The following NAT2 variants were observed in gnomAD, a reference collection of about 807,000 sequenced individuals.
The protein encoded by NAT2 is N-acetyltransferase 2.
For synonymous variants in NAT2, 137 were observed against 125.9 expected, an observed-to-expected ratio of 1.09 and a Z score of -0.59; for missense variants, 428 against 339.1, an observed-to-expected ratio of 1.26 and a Z score of -2.06.
intron 1 of NAT2, among the ~76,000 whole-genome samples, chr8:18,397,172 T>C (rs945481218): frequency 2.0e-5 from 3 of 152,124 alleles, no homozygotes; most frequent in African/African-American, 7.2e-5. Flanking sequence ...AAAATTCCAC[T>C]TAATATATAA....
At chr8:18,390,365 G>A (rs990022974), upstream of NAT2, among the ~76,000 whole-genome samples, 4 of 152,140 alleles carry the variant, frequency 2.6e-5, no homozygotes, top group African/African-American at 9.7e-5. Flanking sequence ...AGAAAGTTAA[G>A]AGTTGTTACT....
rs1026317241 is a variant in NAT2, at chr8:18,396,219, T to A, written c.-6-3779T>A. Among the ~76,000 whole-genome samples, 4 of 152,098 alleles carry A rather than the reference T, an allele frequency of 2.6e-5. No homozygotes were observed. In the East Asian group the frequency reaches 7.7e-4, roughly 29 times the overall value. On this transcript the variant is annotated intron_variant, in intron 1 of 1. Transcript: ENST00000286479. Reference sequence around the variant, plus strand: ...TAGTATTCTAATAAAACCCTGATATTTTGACATAAGGGCCTAGATTCTGGC... The same window carrying A: ...TAGTATTCTAATAAAACCCTGATATATTGACATAAGGGCCTAGATTCTGGC...
Position 18,400,368 on chromosome 8 carries a change from A to C in NAT2, c.365A>C (p.Asp122Ala). The change falls in exon 2 of 2, where the codon GAT (aspartate) becomes GCT (alanine). Residue 122 changes from aspartate to alanine, a missense_variant. Physicochemically the swap from Asp to Ala is moderately radical, Grantham distance 126. Coordinates refer to ENST00000286479, the MANE Select transcript of NAT2 (RefSeq NM_000015.3). ...ATTGACGGCAGGAATTACATTGTCG[A>C]TGCTGGGTCTGGAAGCTCCTCCCAG... ...VTIDGRNYIV[D>A]AGSGSSSQMW... The C allele has an allele frequency of 6.2e-7, 1 of 1,612,764 alleles. No individual in the cohort carries two copies. The highest frequency in any genetic ancestry group is 8.5e-7 in the Non-Finnish European group (1 of 1,179,452).
rs1585139493 is a variant in NAT2, at chr8:18,400,933, T to C, written c.*57T>C. Reference sequence around the variant, plus strand: ...ATCACCCAACTCACTAATTATCAACTTATGTGCTATCAGATATCCTCTCTA... The same window carrying C: ...ATCACCCAACTCACTAATTATCAACCTATGTGCTATCAGATATCCTCTCTA... On this transcript the variant is annotated 3_prime_UTR_variant, in exon 2 of 2. Coordinates refer to ENST00000286479, the MANE Select transcript of NAT2 (RefSeq NM_000015.3). 1 of 1,339,342 alleles carries C rather than the reference T, an allele frequency of 7.5e-7. No individual in the cohort carries two copies. The highest frequency in any genetic ancestry group is 2.3e-5 in the East Asian group (1 of 42,700). The allele number at this position is 1,339,342 out of a possible 1,614,324, so 83.0% of individuals were successfully genotyped here.
At chr8:18,396,882 G>C (rs1288801267) in intron 1 of NAT2, among the ~76,000 whole-genome samples, 1 of 152,202 alleles carries the variant, frequency 6.6e-6, no homozygotes, top group Non-Finnish European at 1.5e-5. Context: ...TAATGTCTCA[G>C]TTCTCAAAGC....
rs777235619 is a variant in NAT2 at position 18,400,042 on chromosome 8, G to T, written c.39G>T (p.Lys13Asn). Reference protein sequence around the residue: ...IEAYFERIGYKNSRNKLDLET... With the variant: ...IEAYFERIGYNNSRNKLDLET... ...CATATTTTGAAAGAATTGGCTATAA[G>T]AACTCTAGGAACAAATTGGACTTGG... The change falls in exon 2 of 2, where the codon AAG becomes AAT. Residue 13 changes from lysine (K) to asparagine (N), a missense_variant. Lys to Asn is a moderately conservative substitution (Grantham distance 94). Coordinates refer to ENST00000286479, the MANE Select transcript of NAT2 (RefSeq NM_000015.3). 8 of 1,606,614 alleles carry T rather than the reference G, an allele frequency of 5.0e-6. No individual in the cohort carries two copies. The South Asian group carries it at 5.6e-5, about 11-fold the overall frequency.
chr8:18,391,036 G>C (rs548559180), upstream of NAT2, among the ~76,000 whole-genome samples: 2 of 152,164 alleles, frequency 1.3e-5, no homozygotes, highest in Admixed American at 1.3e-4. Context: ...GACTTCCAGA[G>C]AGCAAGAACT....
In NAT2 at chr8:18,400,804, G is replaced by A. The variant is rs1163257012; in HGVS notation, c.801G>A (p.Leu267=). Residue 267 remains leucine, a synonymous_variant, in exon 2 of 2, where the codon CTG becomes CTA. Transcript: ENST00000286479. ...CTGAGGAAGAGGTTGAAGAAGTGCT[G>A]AGAAATATATTTAAGATTTCCTTGG... ...TLTEEEVEEV[L]RNIFKISLGR... is the part of the protein sequence containing the mutation. 4.3e-6 allele frequency: 7 copies of A among 1,612,034 alleles called. No individual in the cohort carries two copies. The highest frequency in any genetic ancestry group is 5.9e-6 in the Non-Finnish European group (7 of 1,179,582).
intron 1 of NAT2, among the ~76,000 whole-genome samples, chr8:18,396,760 A>G (rs768323478): frequency 5.9e-5 from 9 of 152,228 alleles, no homozygotes; most frequent in Non-Finnish European, 8.8e-5. Context: ...ATCCTGAGCT[A>G]TCTGTAAAAA....
At chr8:18,399,299 C>A (rs1045727768) in intron 1 of NAT2, among the ~76,000 whole-genome samples, 7 of 152,168 alleles carry the variant, frequency 4.6e-5, no homozygotes, top group African/African-American at 1.7e-4. Flanking sequence ...AGTGCTCTCC[C>A]TGTGCACCCA....
upstream of NAT2, among the ~76,000 whole-genome samples, chr8:18,389,845 G>C (rs1431625993): frequency 2.6e-5 from 4 of 152,116 alleles, no homozygotes; most frequent in Non-Finnish European, 4.4e-5. Context: ...ACTTAGGTTG[G>C]GTTTCTCTAA....
At chr8:18,399,637 C>T (rs1490453101) in intron 1 of NAT2, among the ~76,000 whole-genome samples, 1 of 152,166 alleles carries the variant, frequency 6.6e-6, no homozygotes, top group African/African-American at 2.4e-5. Context: ...ATATCAGAAA[C>T]TGTTTATAAG....
In NAT2 at chr8:18,400,694, G is replaced by A. The variant is rs752955201; in HGVS notation, c.691G>A (p.Val231Ile). The A allele has an allele frequency of 6.2e-7, 1 of 1,613,856 alleles. No homozygotes were observed. The highest frequency in any genetic ancestry group is 2.2e-5 in the East Asian group (1 of 44,876). The change falls in exon 2 of 2, where the codon GTT (valine) becomes ATT (isoleucine). Residue 231 changes from valine (V) to isoleucine (I), a missense_variant. Transcript: ENST00000286479. ...TTGTTCCTTGCAGACCCCAGAAGGG[G>A]TTTACTGTTTGGTGGGCTTCATCCT... Reference protein sequence around the residue: ...SFCSLQTPEGVYCLVGFILTY... With the variant: ...SFCSLQTPEGIYCLVGFILTY...
In NAT2 at chr8:18,400,781, G is replaced by A. The variant is rs754185402; in HGVS notation, c.778G>A (p.Glu260Lys). The A allele has an allele frequency of 2.5e-6, 4 of 1,613,290 alleles. No homozygotes were observed. Among genetic ancestry groups the A allele is most frequent in the Non-Finnish European group, 3.4e-6 (4 of 1,179,872 alleles). ...TCTGGTCGAGTTTAAAACTCTCACT[G>A]AGGAAGAGGTTGAAGAAGTGCTGAG... ...TDLVEFKTLTEEEVEEVLRNI... is the reference protein window; with the variant it reads ...TDLVEFKTLTKEEVEEVLRNI... The change falls in exon 2 of 2, where the codon GAG (glutamate) becomes AAG (lysine). Residue 260 changes from glutamate (E) to lysine (K), a missense_variant. Glu to Lys is a moderately conservative substitution (Grantham distance 56, BLOSUM62 1). Coordinates refer to ENST00000286479, the MANE Select transcript of NAT2 (RefSeq NM_000015.3).
intron 1 of NAT2, among the ~76,000 whole-genome samples, chr8:18,392,379 G>T (rs1800605013): frequency 6.6e-6 from 1 of 152,210 alleles, no homozygotes; most frequent in Admixed American, 6.5e-5. Flanking sequence ...GCAGCCTTCA[G>T]TCTGTGGTCA....
At chr8:18,391,206 C>T (rs1237975405), upstream of NAT2, 1 of 152,058 alleles carries the variant, frequency 6.6e-6, no homozygotes, top group African/African-American at 2.4e-5. Flanking sequence ...TGAGGTGATC[C>T]TAACTAGACT....
rs568110818 is a variant in NAT2 at position 18,400,653 on chromosome 8, T to A, written c.650T>A (p.Phe217Tyr). 9 of 1,614,020 alleles carry A rather than the reference T, an allele frequency of 5.6e-6. No homozygotes were observed. The East Asian group carries it at 1.6e-4, about 28-fold the overall frequency. The change falls in exon 2 of 2, where the codon TTT becomes TAT. Residue 217 changes from phenylalanine to tyrosine, a missense_variant. Phe to Tyr is a conservative substitution (Grantham distance 22). Transcript: ENST00000286479. The stretch of plus-strand genomic sequence containing the variant: ...CTGCAGACGTCTCCAACATCTTCAT[T>A]TATAACCACATCATTTTGTTCCTTG... Reference protein sequence around the residue: ...TYLQTSPTSSFITTSFCSLQT... With the variant: ...TYLQTSPTSSYITTSFCSLQT...
chr8:18,387,962 T>C (rs966843808), upstream of NAT2, among the ~76,000 whole-genome samples: 5 of 152,204 alleles, frequency 3.3e-5, no homozygotes, highest in African/African-American at 1.2e-4. Flanking sequence ...AATGTTTCTC[T>C]TACCTCACTT....
chr8:18,389,906 G>C (rs772025586), upstream of NAT2, among the ~76,000 whole-genome samples: 2 of 152,174 alleles, frequency 1.3e-5, no homozygotes, highest in African/African-American at 2.4e-5. Flanking sequence ...TTTTGATTTA[G>C]GAGATGATTT....
Sources: gnomAD v4.1 joint callset for allele counts (sites outside exome capture counted in the v4.1 genomes callset) on GRCh38, gnomAD v4.1.1 for gene constraint, MANE v1.5 for transcripts, NCBI Gene and HGNC (gene_info 2026-07-23, HGNC 2026-07-21) for gene names.